The following PCNX4 variants were observed in gnomAD, a reference collection of about 807,000 sequenced individuals.
The protein encoded by PCNX4 is pecanex-like protein 4.
Under a neutral mutation model 107.2 loss-of-function variants are expected in PCNX4, and 103 were observed. The ratio of observed to expected loss-of-function variants is 0.96; its 90% CI spans 0.82 to 1.13. The LOEUF (loss-of-function observed/expected upper bound fraction) is 1.13. PCNX4 is among the 50% of genes most tolerant of loss of function. The pLI is 0.00. For missense variants in PCNX4, 1,528 were observed against 1,379.4 expected, an observed-to-expected ratio of 1.11 and a Z score of -1.71; for synonymous variants, 541 against 481.7, an observed-to-expected ratio of 1.12 and a Z score of -1.61.
rs1265664917 is a variant in PCNX4, at chr14:60,138,713, T to C, written c.*4492T>C. The C allele has an allele frequency of 6.6e-6, 1 of 152,036 alleles. No individual in the cohort carries two copies. Among genetic ancestry groups the C allele is most frequent in the Non-Finnish European group, 1.5e-5 (1 of 67,990 alleles). 9.4% of individuals were successfully genotyped at this position (152,036 alleles called of 1,614,324 possible). ...AATAGCAGATTGTCATTAAAGGTGATAGTAAAGGGTATTCTTCAGACAGAA... is the reference window on the plus strand; with the variant it reads ...AATAGCAGATTGTCATTAAAGGTGACAGTAAAGGGTATTCTTCAGACAGAA... On this transcript the variant is annotated 3_prime_UTR_variant, in exon 11 of 11. Coordinates refer to ENST00000406854, the MANE Select transcript of PCNX4 (RefSeq NM_001330177.2).
intron 1 of PCNX4, among the ~76,000 whole-genome samples, chr14:60,100,258 A>T (rs73310111): frequency 2.0e-5 from 3 of 152,134 alleles, no homozygotes; most frequent in Non-Finnish European, 4.4e-5. Flanking sequence ...TTTTCTGCAC[A>T]CACACACGCC....
chr14:60,111,657 T>G (rs1895743065), intron 2 of PCNX4, among the ~76,000 whole-genome samples: 1 of 152,178 alleles, frequency 6.6e-6, no homozygotes, highest in Non-Finnish European at 1.5e-5. Flanking sequence ...TCTTTAATTT[T>G]AAAAAAGAAT....
rs901066277 is a variant in PCNX4, at chr14:60,137,410, C to T, written c.*3189C>T. 2 of 152,200 alleles carry T rather than the reference C, an allele frequency of 1.3e-5. No homozygotes were observed. Among genetic ancestry groups the T allele is most frequent in the African/African-American group, 4.8e-5 (2 of 41,434 alleles). The allele number at this position is 152,200 out of a possible 1,614,324, so 9.4% of individuals were successfully genotyped here. On this transcript the variant is annotated 3_prime_UTR_variant, in exon 11 of 11. Transcript: ENST00000406854. ...CCAAATTGTAAGGGTGAAGAAAAAC[C>T]AGATGCAGTTAGGATCTTCTCACTT...
intron 10 of PCNX4, among the ~76,000 whole-genome samples, chr14:60,127,443 C>CTG (rs541268089): frequency 2.2e-3 from 328 of 151,408 alleles, no homozygotes; most frequent in Non-Finnish European, 3.4e-3. Flanking sequence ...GGTATGAACA[C>CTG]TTAACAGACA....
rs1308136144 is a variant in PCNX4 at position 60,142,480 on chromosome 14, A to G, written c.*8259A>G. ...GAACACACCATTTTCTTCCTACTTA[A>G]AAGTCCACTCAGGATAATGATTAAG... On this transcript the variant is annotated 3_prime_UTR_variant, in exon 11 of 11. Coordinates refer to ENST00000406854, the MANE Select transcript of PCNX4 (RefSeq NM_001330177.2). The surrounding 1 kb of genome is among the most constrained non-coding windows in gnomAD (Gnocchi z 4.7). 1 of 151,610 alleles carries G rather than the reference A, an allele frequency of 6.6e-6. No homozygotes were observed. Among genetic ancestry groups the G allele is most frequent in the Non-Finnish European group, 1.5e-5 (1 of 67,970 alleles). 9.4% of individuals were successfully genotyped at this position (151,610 alleles called of 1,614,324 possible). A position where few individuals can be genotyped will look rare whatever the true frequency, so the allele number is the denominator to read the frequency against.
chr14:60,093,682 T>G (rs1466563462), intron 1 of PCNX4, among the ~76,000 whole-genome samples: 1 of 152,212 alleles, frequency 6.6e-6, no homozygotes, highest in Admixed American at 6.5e-5. Context: ...ACATATATGT[T>G]TTTATCTCTG....
At chr14:60,110,540 A>C (rs1427890946) in intron 2 of PCNX4, 1 of 167,058 alleles carries the variant, frequency 6.0e-6, no homozygotes, top group African/African-American at 2.4e-5. Flanking sequence ...CTTCCTTGGG[A>C]TCATCACCCT....
In PCNX4 at chr14:60,142,198, CA is replaced by C. The variant is rs1896314843; in HGVS notation, c.*7981del. ...ATGGTTCACAAGTGTAGCCATATGG[CA>C]AAACTTAACAAATTGTACACTTTAA... On this transcript the variant is annotated 3_prime_UTR_variant, in exon 11 of 11. Transcript: ENST00000406854. The surrounding 1 kb of genome is among the most constrained non-coding windows in gnomAD (Gnocchi z 4.7). 1 of 152,088 alleles carries C rather than the reference CA, an allele frequency of 6.6e-6. No individual in the cohort carries two copies. 9.4% of individuals were successfully genotyped at this position (152,088 alleles called of 1,614,324 possible).
At chr14:60,131,045 A>G (rs1333866833) in intron 10 of PCNX4, among the ~76,000 whole-genome samples, 1 of 152,044 alleles carries the variant, frequency 6.6e-6, no homozygotes, top group Non-Finnish European at 1.5e-5. Flanking sequence ...TTCTGCTTAG[A>G]ACAGAATAAG....
chr14:60,112,504 A>C (rs1895758310), intron 2 of PCNX4, among the ~76,000 whole-genome samples: 1 of 152,224 alleles, frequency 6.6e-6, no homozygotes, highest in African/African-American at 2.4e-5. Context: ...TCCTATATAC[A>C]GGAGAATAAT....
chr14:60,118,596 A>G lies in PCNX4; in HGVS notation c.1846A>G (p.Thr616Ala), dbSNP rs1387818966. Reference sequence around the variant, plus strand: ...TCAGAGTTGGCCAGGAGCAGCAGGCACCACAGCCTGTGTGTGTGCAGATAC... The same window carrying G: ...TCAGAGTTGGCCAGGAGCAGCAGGCGCCACAGCCTGTGTGTGTGCAGATAC... Reference protein sequence around the residue: ...PIQSWPGAAGTTACVCADTVY... With the variant: ...PIQSWPGAAGATACVCADTVY... The change falls in exon 7 of 11, where the codon ACC becomes GCC. Residue 616 changes from threonine (T) to alanine (A), a missense_variant. Thr to Ala is a moderately conservative substitution (Grantham distance 58). Coordinates refer to ENST00000406854, the MANE Select transcript of PCNX4 (RefSeq NM_001330177.2). 1.2e-6 allele frequency: 2 copies of G among 1,613,824 alleles called. No homozygotes were observed. Among genetic ancestry groups the G allele is most frequent in the East Asian group, 2.2e-5 (1 of 44,886 alleles).
chr14:60,144,772 A>G lies in PCNX4; in HGVS notation c.*10551A>G. 1.7e-6 allele frequency: 1 copy of G among 586,086 alleles called. No homozygotes were observed. The allele number at this position is 586,086 out of a possible 1,614,324, so 36.3% of individuals were successfully genotyped here. A position where few individuals can be genotyped will look rare whatever the true frequency, so the allele number is the denominator to read the frequency against. On this transcript the variant is annotated 3_prime_UTR_variant, in exon 11 of 11. Transcript: ENST00000406854. ...TTTATCCAAGAATATAGTATGAGTT[A>G]ATACCTTTTTTGCAAGATTCATGGC...
chr14:60,102,317 A>G (rs1381406991), intron 1 of PCNX4, among the ~76,000 whole-genome samples: 7 of 61,164 alleles, frequency 1.1e-4, no homozygotes, highest in African/African-American at 2.3e-4. Context: ...AATATGATAG[A>G]TTTAAAAAAA....
intron 8 of PCNX4, among the ~76,000 whole-genome samples, chr14:60,123,510 T>G (rs1353576550): frequency 6.6e-6 from 1 of 152,032 alleles, no homozygotes; most frequent in Admixed American, 6.6e-5. Context: ...TAAGCAATAT[T>G]TAAATAAGCA....
At chr14:60,103,341 G>A (rs1895568080) in intron 1 of PCNX4, among the ~76,000 whole-genome samples, 1 of 152,148 alleles carries the variant, frequency 6.6e-6, no homozygotes, top group Non-Finnish European at 1.5e-5. Flanking sequence ...ATTTTAAGCA[G>A]ACTTGCAGAA....
chr14:60,094,019 A>G (rs1032661127), intron 1 of PCNX4, among the ~76,000 whole-genome samples: 3 of 152,128 alleles, frequency 2.0e-5, no homozygotes, highest in African/African-American at 7.2e-5. Context: ...GTCTGTTCAT[A>G]TCCTTTGCTC....
intron 1 of PCNX4, among the ~76,000 whole-genome samples, chr14:60,095,342 A>G (rs116848716): frequency 0.021 from 3,191 of 152,322 alleles, 58 homozygotes; most frequent in South Asian, 0.049. Flanking sequence ...TAGGGGAACA[A>G]TCAGATTTGC....
chr14:60,119,293 TG>T (rs1305674243), intron 7 of PCNX4, among the ~76,000 whole-genome samples: 4 of 152,204 alleles, frequency 2.6e-5, no homozygotes, highest in African/African-American at 9.6e-5. Flanking sequence ...TTAATGCTTT[TG>T]TCAAACACTA....
At chr14:60,127,807 T>C (rs1234327206) in intron 10 of PCNX4, among the ~76,000 whole-genome samples, 2 of 152,176 alleles carry the variant, frequency 1.3e-5, no homozygotes, top group African/African-American at 4.8e-5. Context: ...AGATGTCAGA[T>C]TTAATAAAAG....
Sources: allele counts gnomAD v4.1 joint callset (sites outside exome capture counted in the v4.1 genomes callset), GRCh38; gene constraint gnomAD v4.1.1; non-coding constraint Gnocchi (gnomAD v3.1); transcripts MANE v1.5; gene names NCBI Gene and HGNC (gene_info 2026-07-23, HGNC 2026-07-21).